The following PEPD variants were observed in gnomAD, a reference collection of about 807,000 sequenced individuals.
PEPD encodes peptidase D.
Under a neutral mutation model 60.7 loss-of-function variants are expected in PEPD, and 53 were observed. The observed-to-expected ratio is 0.87, with a 90% CI of 0.70 to 1.10. The LOEUF is 1.10. Among genes scored for constraint, PEPD ranks in the 50% least tolerant of loss-of-function variants. PEPD has a pLI of 0.00. For synonymous variants in PEPD, 267 were observed against 284.1 expected, an observed-to-expected ratio of 0.94 and a Z score of 0.60; for missense variants, 711 against 711.9, an observed-to-expected ratio of 1.00 and a Z score of 0.01.
chr19:33,437,392 A>G (rs760760402), intron 9 of PEPD, among the ~76,000 whole-genome samples: 1 of 151,842 alleles, frequency 6.6e-6, no homozygotes, highest in Non-Finnish European at 1.5e-5. Context: ...AAGAAATGCC[A>G]ATTTTCAACA....
chr19:33,489,982 G>A lies in PEPD; in HGVS notation c.503+14C>T. Reference sequence around the variant, plus strand: ...GGATGGTGGGGAAAGAGTCCCTGGGGGCCCAGGACTCACTTGCTGATGCCG... The same window carrying A: ...GGATGGTGGGGAAAGAGTCCCTGGGAGCCCAGGACTCACTTGCTGATGCCG... On this transcript the variant is annotated intron_variant, in intron 6 of 14. Transcript: ENST00000244137. The A allele has an allele frequency of 1.9e-6, 3 of 1,554,222 alleles. No homozygotes were observed. Among genetic ancestry groups the A allele is most frequent in the South Asian group, 2.3e-5 (2 of 87,800 alleles).
At chr19:33,393,697 A>G (rs1479507296) in intron 12 of PEPD, among the ~76,000 whole-genome samples, 1 of 152,174 alleles carries the variant, frequency 6.6e-6, no homozygotes, top group Non-Finnish European at 1.5e-5. Flanking sequence ...CTGGTTCCAC[A>G]CTTGACATTC....
chr19:33,490,478 C>G (rs778070454), intron 5 of PEPD, among the ~76,000 whole-genome samples: 10 of 152,194 alleles, frequency 6.6e-5, no homozygotes, highest in Non-Finnish European at 1.5e-4. Flanking sequence ...AGAGTCCTGT[C>G]GAACCCAGCC....
chr19:33,521,706 A>G (rs1255875625), intron 1 of PEPD, 38 bp downstream of exon 1: 2 of 1,570,954 alleles, frequency 1.3e-6, no homozygotes, highest in Non-Finnish European at 1.7e-6. Context: ...GCCCCTCTCC[A>G]CGCCAGCGGG....
chr19:33,490,493 T>C (rs963495808), intron 5 of PEPD, among the ~76,000 whole-genome samples: 1 of 152,172 alleles, frequency 6.6e-6, no homozygotes, highest in Admixed American at 6.5e-5. Context: ...CCAGCCCTTC[T>C]GGGGAGGTGT....
intron 9 of PEPD, among the ~76,000 whole-genome samples, chr19:33,449,098 C>T (rs1343432816): frequency 6.6e-6 from 1 of 152,208 alleles, no homozygotes; most frequent in Non-Finnish European, 1.5e-5. Context: ...GGAAGGCAGG[C>T]AGCAAATGGG....
chr19:33,489,869 A>C (rs1425180433), intron 6 of PEPD, 127 bp downstream of exon 6: 1 of 658,734 alleles, frequency 1.5e-6, no homozygotes, highest in Non-Finnish European at 2.7e-6. Context: ...CATTTCCTCA[A>C]AATGCCCAAA....
intron 9 of PEPD, among the ~76,000 whole-genome samples, chr19:33,424,083 G>A (rs1379868020): frequency 2.0e-5 from 3 of 152,214 alleles, no homozygotes; most frequent in Admixed American, 6.5e-5. Flanking sequence ...GTGGTTGGGG[G>A]CTGCGCCTGT....
intron 3 of PEPD, among the ~76,000 whole-genome samples, chr19:33,501,510 C>A (rs1173812762): frequency 6.6e-6 from 1 of 152,092 alleles, no homozygotes; most frequent in Non-Finnish European, 1.5e-5. Context: ...GAAACCCCAT[C>A]TCTACTAAAA....
chr19:33,414,732 G>A (rs1968852444), intron 9 of PEPD, among the ~76,000 whole-genome samples: 2 of 152,222 alleles, frequency 1.3e-5, no homozygotes, highest in Non-Finnish European at 1.5e-5. Flanking sequence ...CACAAATTAT[G>A]TATAATTGTC....
In PEPD at chr19:33,442,591, C is replaced by T. The variant is rs1312106897; in HGVS notation, c.671+20404G>A. The stretch of plus-strand genomic sequence containing the variant: ...GGGCGTGGTGGCACACACCTGTAGT[C>T]CCAGCTACTCGGGAGGCTGAGGCAG... On this transcript the variant is annotated intron_variant, in intron 9 of 14. Coordinates refer to ENST00000244137, the MANE Select transcript of PEPD (RefSeq NM_000285.4). 2.0e-5 allele frequency among the ~76,000 whole-genome samples: 3 copies of T among 151,348 alleles called. No individual in the cohort carries two copies. The East Asian group carries it at 5.8e-4, about 29-fold the overall frequency.
At chr19:33,463,355 T>G (rs1043837140) in intron 8 of PEPD, among the ~76,000 whole-genome samples, 1 of 152,232 alleles carries the variant, frequency 6.6e-6, no homozygotes, top group African/African-American at 2.4e-5. Context: ...TGGTGAATAC[T>G]TAATGCCACG....
chr19:33,519,651 T>G (rs1446965384), intron 1 of PEPD, among the ~76,000 whole-genome samples: 2 of 152,210 alleles, frequency 1.3e-5, no homozygotes, highest in African/African-American at 4.8e-5. Context: ...CCAAGGAGAC[T>G]GCCAGGCTCT....
chr19:33,402,573 G>A (rs551135931), intron 11 of PEPD, among the ~76,000 whole-genome samples: 76 of 152,302 alleles, frequency 5.0e-4, no homozygotes, highest in African/African-American at 1.8e-3. Flanking sequence ...ATTCTGCCAG[G>A]GCCCAAGGGG....
chr19:33,426,951 G>A (rs368841159), intron 9 of PEPD, among the ~76,000 whole-genome samples: 3 of 152,328 alleles, frequency 2.0e-5, no homozygotes, highest in Non-Finnish European at 2.9e-5. Context: ...CCCTAGGTGG[G>A]CAGGGCCCCT....
chr19:33,474,193 T>G (rs1431613360), intron 7 of PEPD, among the ~76,000 whole-genome samples: 1 of 152,182 alleles, frequency 6.6e-6, no homozygotes, highest in East Asian at 1.9e-4. Context: ...AGCAGTGAGC[T>G]GGGAGGATGA....
At chr19:33,425,141 G>A (rs777554606) in intron 9 of PEPD, among the ~76,000 whole-genome samples, 19 of 152,116 alleles carry the variant, frequency 1.2e-4, no homozygotes, top group Non-Finnish European at 2.1e-4. Context: ...AGGCCGAGGC[G>A]GGTGGATCAC....
intron 13 of PEPD, among the ~76,000 whole-genome samples, 165 bp downstream of exon 13, chr19:33,391,130 C>T (rs866094949): frequency 6.6e-6 from 1 of 152,144 alleles, no homozygotes; most frequent in African/African-American, 2.4e-5. Flanking sequence ...GCCAGGGTCC[C>T]GATTCCCCCC....
chr19:33,485,917 TTCTG>T (rs35472068), intron 6 of PEPD, among the ~76,000 whole-genome samples: 46,054 of 151,642 alleles, frequency 0.3, 7,390 homozygotes, highest in African/African-American at 0.4. Context: ...TGGGTACAGC[TTCTG>T]TCTGTCTGGG....
Sources: gnomAD v4.1 joint callset for allele counts (sites outside exome capture counted in the v4.1 genomes callset) on GRCh38, gnomAD v4.1.1 for gene constraint, MANE v1.5 for transcripts, NCBI Gene and HGNC (gene_info 2026-07-23, HGNC 2026-07-21) for gene names.